Variants in TECTA observed in about 807,000 individuals in gnomAD.
TECTA encodes tectorin alpha.
In TECTA, 128 loss-of-function variants were observed where a neutral mutation model predicts 216.8. That is an observed-to-expected ratio of 0.59 (90% confidence interval 0.51 to 0.68). The LOEUF is 0.68. Ranked by LOEUF, TECTA falls within the 30% of genes least tolerant of loss-of-function variation. The pLI, the probability that TECTA is intolerant of heterozygous loss-of-function variation, is 0.00. For missense variants in TECTA, 2,551 were observed against 2,786.2 expected, an observed-to-expected ratio of 0.92 and a Z score of 1.90; for synonymous variants, 1,089 against 1,117.1, an observed-to-expected ratio of 0.97 and a Z score of 0.50.
chr11:121,112,812 CAG>C (rs1322929873), intron 4 of TECTA, among the ~76,000 whole-genome samples: 6 of 152,232 alleles, frequency 3.9e-5, no homozygotes, highest in African/African-American at 1.4e-4. Flanking sequence ...TGGTAGAAGT[CAG>C]AGATATAAGT....
rs1001084834 is a variant in TECTA at position 121,109,197 on chromosome 11, T to C, written c.199-14T>C. 6.2e-7 allele frequency: 1 copy of C among 1,613,974 alleles called. No individual in the cohort carries two copies. Among genetic ancestry groups the C allele is most frequent in the African/African-American group, 1.3e-5 (1 of 74,930 alleles). On this transcript the variant is annotated splice_polypyrimidine_tract_variant and intron_variant, in intron 3 of 23. Coordinates refer to ENST00000392793, the MANE Select transcript of TECTA (RefSeq NM_005422.4). ...TTTCAGATCCACTGTGCAAAACCTC[T>C]CTTATTTTCGTAGGTCAATAACAAC...
In TECTA at chr11:121,105,858, T is replaced by C. The variant is rs1419140766; in HGVS notation, c.92T>C (p.Phe31Ser). The C allele has an allele frequency of 6.2e-7, 1 of 1,614,200 alleles. No individual in the cohort carries two copies. Among genetic ancestry groups the C allele is most frequent in the Non-Finnish European group, 8.5e-7 (1 of 1,180,030 alleles). The change falls in exon 3 of 24, where the codon TTT (phenylalanine) becomes TCT (serine). Residue 31 changes from phenylalanine (F) to serine (S), a missense_variant. By Grantham distance (155) the Phe-to-Ser change is radical. Transcript: ENST00000392793. The surrounding 1 kb of genome is among the most constrained non-coding windows in gnomAD (Gnocchi z 5.3). ...CAGCCCAGGGAGCTCATGTATCCAT[T>C]TTGGCAGAATGACACCAAAACCCCT... is the stretch of plus-strand genomic sequence containing the variant. The part of the protein sequence containing the change: ...QAQPRELMYP[F>S]WQNDTKTPKV...
chr11:121,152,835 G>A (rs377101688), intron 12 of TECTA, 46 bp from the exon 13 acceptor site: 13 of 1,561,810 alleles, frequency 8.3e-6, no homozygotes, highest in Non-Finnish European at 7.0e-6. Context: ...AACCCTCCTC[G>A]GTGCCTTGTG....
chr11:121,168,258 C>A, intron 19 of TECTA, 41 bp downstream of exon 19: 1 of 1,612,720 alleles, frequency 6.2e-7, no homozygotes, highest in Non-Finnish European at 8.5e-7. Flanking sequence ...TTTTTCTATT[C>A]CTTGACAGTT....
In TECTA at chr11:121,113,860, A is replaced by G. The variant is rs571106107; in HGVS notation, c.790+142A>G. The G allele has an allele frequency of 1.9e-6, 2 of 1,035,430 alleles. No homozygotes were observed. The highest frequency in any genetic ancestry group is 5.2e-5 in the East Asian group (2 of 38,680). 64.1% of individuals were successfully genotyped at this position (1,035,430 alleles called of 1,614,324 possible). A position where few individuals can be genotyped will look rare whatever the true frequency, so the allele number is the denominator to read the frequency against. On this transcript the variant is annotated intron_variant, in intron 6 of 23. Coordinates refer to ENST00000392793, the MANE Select transcript of TECTA (RefSeq NM_005422.4). This position sits in a 1 kb window ranked among gnomAD's most constrained non-coding sequence, Gnocchi z 4.2. ...CCGCTGGGTAATGGAGATCAAGGTA[A>G]TTTTAGCATGTGCATTCATCACATC...
At chr11:121,150,876 C>T (rs1591455459) in intron 12 of TECTA, among the ~76,000 whole-genome samples, 1 of 152,040 alleles carries the variant, frequency 6.6e-6, no homozygotes, top group Non-Finnish European at 1.5e-5. Context: ...GATCTCTTGA[C>T]CTCATGATCC....
chr11:121,110,622 C>A (rs1294259900), intron 4 of TECTA: 15 of 152,176 alleles, frequency 9.9e-5, no homozygotes, highest in Admixed American at 9.8e-4. Flanking sequence ...TTATAGATCG[C>A]TAACGACTCC....
Position 121,157,844 on chromosome 11 carries a change from A to G in TECTA, c.4309A>G (p.Lys1437Glu), listed in dbSNP as rs768979579. ...CYSDGKYYEP[K>E]QLFWNSDCTR... ...GCAAACGGCGCCTCTCTTCCAGCCC[A>G]AGCAGCTATTTTGGAACAGCGACTG... Residue 1437 changes from lysine (K) to glutamate (E), a missense_variant, in exon 14 of 24, where the codon AAG becomes GAG. Around this residue, in one of 3 missense-constraint regions of TECTA, gnomAD observed 2,375 missense variants for 2,563.9 expected, o/e 0.93. Transcript: ENST00000392793. The G allele has an allele frequency of 6.2e-7, 1 of 1,613,966 alleles. No homozygotes were observed. Among genetic ancestry groups the G allele is most frequent in the South Asian group, 1.1e-5 (1 of 91,064 alleles).
rs576045433 is a variant in TECTA, at chr11:121,153,225, G to C, written c.4305+145G>C. On this transcript the variant is annotated intron_variant, in intron 13 of 23. Coordinates refer to ENST00000392793, the MANE Select transcript of TECTA (RefSeq NM_005422.4). ...GCAGGGGAATGGGATGGGGGGTAGA[G>C]AGGCTAAGCACACTGTTCAGGTGAT... The C allele has an allele frequency of 5.9e-5, 58 of 979,256 alleles. No homozygotes were observed. In the African/African-American group the frequency reaches 1.0e-3, roughly 17 times the overall value. 60.7% of individuals were successfully genotyped at this position (979,256 alleles called of 1,614,324 possible). A position where few individuals can be genotyped will look rare whatever the true frequency, so the allele number is the denominator to read the frequency against.
At chr11:121,106,065 A>G (rs1466331143) in intron 3 of TECTA, 101 bp downstream of exon 3, 8 of 1,586,870 alleles carry the variant, frequency 5.0e-6, no homozygotes, top group Non-Finnish European at 1.7e-6. Context: ...CTGGGAAGGG[A>G]GGATTTATTG....
chr11:121,166,857 A>AGG, intron 18 of TECTA, 77 bp downstream of exon 18: 1 of 1,545,880 alleles, frequency 6.5e-7, no homozygotes, highest in Non-Finnish European at 8.8e-7. Flanking sequence ...TTGTCCTGAA[A>AGG]ACCAACTTCA....
chr11:121,168,596 C>G (rs1947079413), intron 19 of TECTA, 81 bp from the exon 20 acceptor site: 1 of 1,609,302 alleles, frequency 6.2e-7, no homozygotes, highest in African/African-American at 1.3e-5. Flanking sequence ...TTTCCCTCTG[C>G]ATTCTCAGCC....
In TECTA at chr11:121,128,066, G is replaced by C; in HGVS notation, c.2089G>C (p.Ala697Pro). 1 of 1,612,668 alleles carries C rather than the reference G, an allele frequency of 6.2e-7. No homozygotes were observed. The highest frequency in any genetic ancestry group is 8.5e-7 in the Non-Finnish European group (1 of 1,179,490). ...NKTCGSGEVC[A>P]VEDGYQGCFP... Reference sequence around the variant, plus strand: ...GACCTGCGGCAGCGGGGAGGTGTGCGCCGTGGAGGACGGCTACCAGGGCTG... The same window carrying C: ...GACCTGCGGCAGCGGGGAGGTGTGCCCCGTGGAGGACGGCTACCAGGGCTG... The change falls in exon 9 of 24, where the codon GCC becomes CCC. Residue 697 changes from alanine (A) to proline (P), a missense_variant. Transcript: ENST00000392793.
At position 121,191,220 on chromosome 11, in the gene TECTA, C is replaced by T. The variant is rs922696170; in HGVS notation, c.*414C>T. 3.4e-6 allele frequency: 1 copy of T among 291,624 alleles called. No homozygotes were observed. The highest frequency in any genetic ancestry group is 6.6e-6 in the Non-Finnish European group (1 of 152,624). 18.1% of individuals were successfully genotyped at this position (291,624 alleles called of 1,614,324 possible). A position where few individuals can be genotyped will look rare whatever the true frequency, so the allele number is the denominator to read the frequency against. ...TGTTGGAACGATTTTGAAGTGATGA[C>T]TGGAAGGTTTGACTCCCTCTAAGGA... On this transcript the variant is annotated 3_prime_UTR_variant, in exon 24 of 24. Transcript: ENST00000392793.
At chr11:121,183,236 T>C (rs1305857468) in intron 20 of TECTA, among the ~76,000 whole-genome samples, 2 of 152,060 alleles carry the variant, frequency 1.3e-5, no homozygotes, top group African/African-American at 4.8e-5. Context: ...CAGGGGATGT[T>C]GGGCCCCAGG....
At chr11:121,165,435 G>T (rs1947043317) in intron 17 of TECTA, 52 bp downstream of exon 17, 2 of 1,470,148 alleles carry the variant, frequency 1.4e-6, no homozygotes, top group Middle Eastern at 1.8e-4. Flanking sequence ...GGGAGATGCT[G>T]CTCTGGGGAA....
Position 121,168,158 on chromosome 11 carries a change from A to G in TECTA, c.5691A>G (p.Ser1897=). The part of the protein sequence containing the change: ...TRDRTINVEF[S]CAYELDIKIS... The stretch of plus-strand genomic sequence containing the variant: ...ACCGCACGATCAATGTGGAATTTTC[A>G]TGTGCTTATGAGCTGGATATCAAGA... Residue 1897 remains serine, a synonymous_variant, in exon 19 of 24, where the codon TCA becomes TCG. Transcript: ENST00000392793. 1 of 1,614,218 alleles carries G rather than the reference A, an allele frequency of 6.2e-7. No individual in the cohort carries two copies. The highest frequency in any genetic ancestry group is 8.5e-7 in the Non-Finnish European group (1 of 1,180,026).
At chr11:121,106,167 T>C (rs1591434870) in intron 3 of TECTA, among the ~76,000 whole-genome samples, 1 of 152,164 alleles carries the variant, frequency 6.6e-6, no homozygotes, top group African/African-American at 2.4e-5. Context: ...ATGTTCATAG[T>C]GGAGGAGTAT....
In TECTA at chr11:121,118,321, G is replaced by A. The variant is rs199692947; in HGVS notation, c.806G>A (p.Arg269Gln). The part of the protein sequence containing the change: ...GCTSRGQFLR[R>Q]GEVFWDDLNC... ...TATTCCCCAGGACAATTCCTTCGGC[G>A]AGGGGAGGTGTTTTGGGATGACTTG... is the stretch of plus-strand genomic sequence containing the variant. The change falls in exon 7 of 24, where the codon CGA (arginine) becomes CAA (glutamine). Residue 269 changes from arginine (R) to glutamine (Q), a missense_variant. This residue lies in a region of TECTA where 2,375 missense variants were observed against 2,563.9 expected (regional missense o/e 0.93). Transcript: ENST00000392793. 2.9e-5 allele frequency: 47 copies of A among 1,614,158 alleles called. No individual in the cohort carries two copies. The highest frequency in any genetic ancestry group is 1.5e-4 in the South Asian group (14 of 91,078).
Sources: allele counts gnomAD v4.1 joint callset (sites outside exome capture counted in the v4.1 genomes callset), GRCh38; gene constraint gnomAD v4.1.1; regional missense constraint gnomAD v4.1.1; non-coding constraint Gnocchi (gnomAD v3.1); transcripts MANE v1.5; gene names NCBI Gene and HGNC (gene_info 2026-07-23, HGNC 2026-07-21).